The following SERPINB7 variants were observed in gnomAD, a reference collection of about 807,000 sequenced individuals.
SERPINB7 encodes the protein serpin family B member 7, also known as serpin B7.
A neutral mutation model predicts 37.4 loss-of-function variants in SERPINB7; 31 were observed. That is an observed-to-expected ratio of 0.83 (90% CI 0.62 to 1.12). The LOEUF is 1.12. Ranked by LOEUF, SERPINB7 falls within the 50% of genes most tolerant of loss-of-function variation. SERPINB7 has a pLI of 0.00. For missense variants in SERPINB7, 521 were observed against 455.3 expected (o/e 1.14, Z -1.31); for synonymous variants, 163 against 166.1 (o/e 0.98, Z 0.14).
At chr18:63,762,473 T>G (rs776405400) in intron 1 of SERPINB7, among the ~76,000 whole-genome samples, 18 of 152,174 alleles carry the variant, frequency 1.2e-4, no homozygotes, top group Non-Finnish European at 2.1e-4. Flanking sequence ...GGTATGCATA[T>G]CAGGTGCTTG....
rs556084455 is a variant in SERPINB7, at chr18:63,798,503, A to G, written c.455-101A>G. 3 of 825,042 alleles carry G rather than the reference A, an allele frequency of 3.6e-6. No homozygotes were observed. The South Asian group carries it at 6.2e-5, about 17-fold the overall frequency. The allele number at this position is 825,042 out of a possible 1,614,324, so 51.1% of individuals were successfully genotyped here. On this transcript the variant is annotated intron_variant, in intron 5 of 7. Coordinates refer to ENST00000398019, the MANE Select transcript of SERPINB7 (RefSeq NM_003784.4). ...TCTTAATATTCTTATTGGTGTTATT[A>G]TGTGTTAAGAAAAAAACTTCATACC...
chr18:63,765,383 A>G lies in SERPINB7; in HGVS notation c.-19+12263A>G, dbSNP rs540499121. ...GCACTCCGTGGTCCACATCACTATTATTTCTGGCCTAGTCTGTTCAAATAA... is the reference window on the plus strand; with the variant it reads ...GCACTCCGTGGTCCACATCACTATTGTTTCTGGCCTAGTCTGTTCAAATAA... On this transcript the variant is annotated intron_variant, in intron 1 of 7. Transcript: ENST00000336429. Among the ~76,000 whole-genome samples the G allele has an allele frequency of 6.3e-4, 96 of 152,086 alleles. 2 individuals are homozygous for G. In the South Asian group the frequency reaches 0.019, roughly 31 times the overall value.
intron 1 of SERPINB7, among the ~76,000 whole-genome samples, chr18:63,756,403 T>C (rs576311514): frequency 6.6e-6 from 1 of 152,264 alleles, no homozygotes; most frequent in South Asian, 2.1e-4. Flanking sequence ...TGTCTTTCTG[T>C]CCATGGAACA....
chr18:63,800,903 G>A lies in SERPINB7; in HGVS notation c.635G>A (p.Arg212Gln), dbSNP rs371779172. The A allele has an allele frequency of 2.0e-5, 33 of 1,613,718 alleles. No individual in the cohort carries two copies. Among genetic ancestry groups the A allele is most frequent in the Middle Eastern group, 1.6e-4 (1 of 6,082 alleles). Residue 212 changes from arginine (R) to glutamine (Q), a missense_variant, in exon 7 of 8, where the codon CGG (arginine) becomes CAG (glutamine). Transcript: ENST00000398019. ...GCAGTCGCCATGATGCATCAGGAAC[G>A]GAAGTTCAATTTGTCTGTTATTGAG... ...GKAVAMMHQE[R>Q]KFNLSVIEDP...
chr18:63,772,108 G>A (rs1343786349), upstream of SERPINB7, among the ~76,000 whole-genome samples: 2 of 151,984 alleles, frequency 1.3e-5, no homozygotes, highest in Non-Finnish European at 2.9e-5. Flanking sequence ...GCGGGAGAAG[G>A]GAGAGGATCA....
chr18:63,758,061 C>T (rs139768275), intron 1 of SERPINB7, among the ~76,000 whole-genome samples: 329 of 152,302 alleles, frequency 2.2e-3, no homozygotes, highest in African/African-American at 7.6e-3. Context: ...CTGTATCTCT[C>T]TGTGTCTCTC....
At chr18:63,804,153 T>C (rs750142798) in intron 7 of SERPINB7, 84 bp from the exon 8 acceptor site, 55 of 1,019,046 alleles carry the variant, frequency 5.4e-5, no homozygotes, top group Non-Finnish European at 7.5e-5. Flanking sequence ...GCGATAATTA[T>C]AGAAAACTAT....
chr18:63,781,063 TA>T (rs1352273616), intron 1 of SERPINB7, among the ~76,000 whole-genome samples: 1 of 152,212 alleles, frequency 6.6e-6, no homozygotes, highest in African/African-American at 2.4e-5. Flanking sequence ...AAACTTATTT[TA>T]ATTTCATTTA....
intron 1 of SERPINB7, among the ~76,000 whole-genome samples, chr18:63,754,968 C>T (rs181557687): frequency 0.016 from 2,210 of 140,030 alleles, 29 homozygotes; most frequent in African/African-American, 0.055. Flanking sequence ...GGCGCAATCT[C>T]GGCTCACTGC....
At chr18:63,796,938 AG>A (rs1490028940) in intron 5 of SERPINB7, among the ~76,000 whole-genome samples, 1 of 152,196 alleles carries the variant, frequency 6.6e-6, no homozygotes, top group African/African-American at 2.4e-5. Context: ...GCTTTTTCCA[AG>A]GATGTATAGT....
In SERPINB7 at chr18:63,804,883, C is replaced by T. The variant is rs762435044; in HGVS notation, c.*248C>T. Reference sequence around the variant, plus strand: ...TAATTTCATTGTCTTTCTTCCCACGCTCATTTCTATCATTCTCCCCCATGA... The same window carrying T: ...TAATTTCATTGTCTTTCTTCCCACGTTCATTTCTATCATTCTCCCCCATGA... On this transcript the variant is annotated 3_prime_UTR_variant, in exon 8 of 8. Transcript: ENST00000398019. 1.0e-5 allele frequency: 5 copies of T among 477,550 alleles called. No homozygotes were observed. In the South Asian group the frequency reaches 1.5e-4, roughly 15 times the overall value. 29.6% of individuals were successfully genotyped at this position (477,550 alleles called of 1,614,324 possible). A position where few individuals can be genotyped will look rare whatever the true frequency, so the allele number is the denominator to read the frequency against.
At chr18:63,761,094 A>G (rs919402259) in intron 1 of SERPINB7, among the ~76,000 whole-genome samples, 7 of 152,220 alleles carry the variant, frequency 4.6e-5, no homozygotes, top group African/African-American at 1.2e-4. Context: ...ACACCAGGCC[A>G]TGAAAGCAGC....
chr18:63,770,708 T>C (rs1347251861), upstream of SERPINB7, among the ~76,000 whole-genome samples: 1 of 152,054 alleles, frequency 6.6e-6, no homozygotes, highest in Non-Finnish European at 1.5e-5. Context: ...GATATTTTAT[T>C]TGTGACTTAT....
chr18:63,787,751 A>T (rs1449839589), intron 2 of SERPINB7, among the ~76,000 whole-genome samples: 2 of 152,178 alleles, frequency 1.3e-5, no homozygotes, highest in African/African-American at 4.8e-5. Flanking sequence ...GCTAATGAGA[A>T]GGGGAGATTC....
At chr18:63,769,302 T>C (rs2049197228) in intron 1 of SERPINB7, among the ~76,000 whole-genome samples, 1 of 151,908 alleles carries the variant, frequency 6.6e-6, no homozygotes, top group Non-Finnish European at 1.5e-5. Flanking sequence ...ATTTTTATTA[T>C]TGTATTTTTT....
chr18:63,790,105 G>A (rs1054254619), intron 2 of SERPINB7, among the ~76,000 whole-genome samples: 3 of 152,094 alleles, frequency 2.0e-5, no homozygotes, highest in South Asian at 2.1e-4. Context: ...CTTAATAACA[G>A]CAATGACTTC....
At chr18:63,792,647 G>T (rs560148217) in intron 3 of SERPINB7, among the ~76,000 whole-genome samples, 4 of 152,136 alleles carry the variant, frequency 2.6e-5, no homozygotes, top group Admixed American at 2.0e-4. Context: ...GGGGGGCTAT[G>T]GTGGGAGGTT....
chr18:63,754,143 T>C (rs1378187848), intron 1 of SERPINB7, among the ~76,000 whole-genome samples: 2 of 152,254 alleles, frequency 1.3e-5, no homozygotes, highest in African/African-American at 4.8e-5. Context: ...AGTTTACTTA[T>C]GTTAATAAAT....
chr18:63,771,231 T>A (rs1399118880), upstream of SERPINB7, among the ~76,000 whole-genome samples: 1 of 152,070 alleles, frequency 6.6e-6, no homozygotes, highest in Non-Finnish European at 1.5e-5. Context: ...AAGAAATATT[T>A]TAAAAGAATG....
Sources: gnomAD v4.1 joint callset for allele counts (sites outside exome capture counted in the v4.1 genomes callset) on GRCh38, gnomAD v4.1.1 for gene constraint, MANE v1.5 for transcripts, NCBI Gene and HGNC (gene_info 2026-07-23, HGNC 2026-07-21) for gene names.